The following CCDC169 variants were observed in gnomAD, a reference collection of about 807,000 sequenced individuals.
CCDC169 encodes coiled-coil domain containing 169.
Under a neutral mutation model 36.0 loss-of-function variants are expected in CCDC169, and 30 were observed. The ratio of observed to expected loss-of-function variants is 0.83; its 90% confidence interval spans 0.62 to 1.13. The LOEUF (loss-of-function observed/expected upper bound fraction) is 1.13. Ranked by LOEUF, CCDC169 falls within the 50% of genes most tolerant of loss-of-function variation. The pLI is 0.00. For synonymous variants in CCDC169, 85 were observed against 81.5 expected, an observed-to-expected ratio of 1.04 and a Z score of -0.23; for missense variants, 245 against 245.9, an observed-to-expected ratio of 1.00 and a Z score of 0.03.
intron 7 of CCDC169, among the ~76,000 whole-genome samples, chr13:36,231,956 C>T (rs1300342322): frequency 6.6e-6 from 1 of 152,076 alleles, no homozygotes; most frequent in African/African-American, 2.4e-5. Flanking sequence ...GGATAAAATT[C>T]TCTCCTCCAT....
rs1289208409 is a variant in CCDC169 at position 36,231,287 on chromosome 13, C to T, written c.551G>A (p.Arg184Lys). 1.9e-6 allele frequency: 3 copies of T among 1,551,080 alleles called. No individual in the cohort carries two copies. Among genetic ancestry groups the T allele is most frequent in the Non-Finnish European group, 2.6e-6 (3 of 1,146,732 alleles). Residue 184 changes from arginine to lysine, a missense_variant, in exon 8 of 8, where the codon AGA becomes AAA. Arg to Lys is a conservative substitution (Grantham distance 26). Coordinates refer to ENST00000239859, the MANE Select transcript of CCDC169 (RefSeq NM_001144981.3). ...TGTCTTCTGCTTAGCTGGATTATAT[C>T]TTCCACTGAAATAAATAAGTGTTAA... ...RMQENLVKTG[R>K]YNPAKQKTVS...
downstream of CCDC169, chr13:36,224,502 G>A (rs76612759): frequency 6.6e-6 from 1 of 151,992 alleles, no homozygotes; most frequent in African/African-American, 2.4e-5. Flanking sequence ...TTCAAGCTAA[G>A]AGCCAAATCG....
chr13:36,224,501 A>G (rs1869760753), downstream of CCDC169: 1 of 152,192 alleles, frequency 6.6e-6, no homozygotes. Flanking sequence ...ATTCAAGCTA[A>G]GAGCCAAATC....
intron 4 of CCDC169, among the ~76,000 whole-genome samples, chr13:36,265,757 C>G (rs544685618): frequency 1.3e-5 from 2 of 152,238 alleles, no homozygotes; most frequent in East Asian, 3.9e-4. Context: ...AATTAGAGAC[C>G]CATAAGGGGG....
rs568097759 is a variant in CCDC169 at position 36,235,624 on chromosome 13, C to T, written c.546-4332G>A. ...TTCAACATTGTATAGGAGGTTCCAG[C>T]CAGGGCAATTAGGCAAGAAAAATAG... is the stretch of plus-strand genomic sequence containing the variant. On this transcript the variant is annotated intron_variant, in intron 7 of 7. Transcript: ENST00000239859. Among the ~76,000 whole-genome samples, 3 of 151,496 alleles carry T rather than the reference C, an allele frequency of 2.0e-5. No homozygotes were observed. The East Asian group carries it at 5.8e-4, about 29-fold the overall frequency.
At chr13:36,297,555 A>T (rs1879679179) in intron 1 of CCDC169, 82 bp downstream of exon 1, 2 of 1,379,060 alleles carry the variant, frequency 1.5e-6, no homozygotes. Context: ...CAGCACCCTC[A>T]GCGGCTTCAG....
Position 36,254,126 on chromosome 13 carries a change from T to C in CCDC169, c.333A>G (p.Leu111=), listed in dbSNP as rs117056170. The change falls in exon 5 of 8, where the codon TTA becomes TTG. Residue 111 remains leucine, a synonymous_variant. Transcript: ENST00000239859. ...TCTTTTCTTCTTCTAGCTGTTTAAG[T>C]AATGTGTTTAAGGATTCCTAAAAAT... ...ERMPVESLNT[L]LKQLEEEKKT... is the part of the protein sequence containing the mutation. 24 of 1,541,690 alleles carry C rather than the reference T, an allele frequency of 1.6e-5. No homozygotes were observed. The East Asian group carries it at 5.6e-4, about 36-fold the overall frequency.
chr13:36,261,807 A>T (rs1046382679), intron 4 of CCDC169, among the ~76,000 whole-genome samples: 1 of 152,152 alleles, frequency 6.6e-6, no homozygotes, highest in African/African-American at 2.4e-5. Context: ...CTGCCCTGTG[A>T]TCACAGAACT....
At chr13:36,278,820 A>G (rs9547070) in intron 4 of CCDC169, among the ~76,000 whole-genome samples, 38,469 of 152,020 alleles carry the variant, frequency 0.25, 5,149 homozygotes, top group East Asian at 0.49. Context: ...TTTTCAGAGA[A>G]GCAACTTTCC....
At position 36,254,782 on chromosome 13, in the gene CCDC169, A is replaced by G. The variant is rs138964572; in HGVS notation, c.316-639T>C. Among the ~76,000 whole-genome samples the G allele has an allele frequency of 2.2e-3, 332 of 152,324 alleles. 3 individuals carry two copies. The highest frequency in any genetic ancestry group is 7.7e-3 in the African/African-American group (321 of 41,572). On this transcript the variant is annotated intron_variant, in intron 4 of 7. Coordinates refer to ENST00000239859, the MANE Select transcript of CCDC169 (RefSeq NM_001144981.3). Reference sequence around the variant, plus strand: ...AATGAATAGTAGCTAAACTAACAAGAGATCAATCAAAAGTGCTTTCAAAGG... The same window carrying G: ...AATGAATAGTAGCTAAACTAACAAGGGATCAATCAAAAGTGCTTTCAAAGG...
chr13:36,232,101 C>T (rs1471005358), intron 7 of CCDC169, among the ~76,000 whole-genome samples: 1 of 152,180 alleles, frequency 6.6e-6, no homozygotes, highest in Non-Finnish European at 1.5e-5. Flanking sequence ...ACTTCGAACA[C>T]TGAGCTTTGT....
At chr13:36,246,593 T>C (rs190066907) in intron 7 of CCDC169, among the ~76,000 whole-genome samples, 1 of 152,224 alleles carries the variant, frequency 6.6e-6, no homozygotes, top group South Asian at 2.1e-4. Flanking sequence ...CTTCATAACA[T>C]AAAAATGCCA....
chr13:36,259,619 A>G (rs988696271), intron 4 of CCDC169, among the ~76,000 whole-genome samples: 2 of 152,234 alleles, frequency 1.3e-5, no homozygotes, highest in African/African-American at 4.8e-5. Context: ...GGCTGAAGAC[A>G]TGGCCTGCAA....
intron 2 of CCDC169, among the ~76,000 whole-genome samples, chr13:36,293,490 T>C (rs1879144046): frequency 6.6e-6 from 1 of 152,172 alleles, no homozygotes; most frequent in Admixed American, 6.5e-5. Context: ...GTCCCTTGAA[T>C]CTGTGACTAC....
chr13:36,290,951 G>A (rs1312314970), intron 2 of CCDC169, among the ~76,000 whole-genome samples: 1 of 150,226 alleles, frequency 6.7e-6, no homozygotes, highest in African/African-American at 2.5e-5. Context: ...TACCACCTCT[G>A]CATACCTTGA....
At chr13:36,254,275 CT>C (rs1368470201) in intron 4 of CCDC169, 132 bp from the exon 5 acceptor site, 23,463 of 362,820 alleles carry the variant, frequency 0.065, 21 homozygotes, top group South Asian at 0.09. Flanking sequence ...ATGATATGTA[CT>C]TTTTTTTTTT....
chr13:36,285,886 T>C (rs1000795732), intron 2 of CCDC169, among the ~76,000 whole-genome samples: 13 of 152,346 alleles, frequency 8.5e-5, no homozygotes, highest in African/African-American at 3.1e-4. Flanking sequence ...GAAAGCCCCC[T>C]GCCTTTTCCC....
chr13:36,264,197 A>T (rs1361776514), intron 4 of CCDC169, among the ~76,000 whole-genome samples: 1 of 152,180 alleles, frequency 6.6e-6, no homozygotes, highest in Non-Finnish European at 1.5e-5. Flanking sequence ...TCAAAATAGC[A>T]GTTAAAAATA....
intron 4 of CCDC169, among the ~76,000 whole-genome samples, chr13:36,262,492 A>C (rs1046277134): frequency 6.6e-6 from 1 of 152,220 alleles, no homozygotes; most frequent in Non-Finnish European, 1.5e-5. Flanking sequence ...TAATACCTAA[A>C]TAAATAGAAG....
Sources: allele counts gnomAD v4.1 joint callset (sites outside exome capture counted in the v4.1 genomes callset), GRCh38; gene constraint gnomAD v4.1.1; transcripts MANE v1.5; gene names NCBI Gene and HGNC (gene_info 2026-07-23, HGNC 2026-07-21).